Variants in STN1 observed in about 807,000 individuals in gnomAD.
The protein encoded by STN1 is CST complex subunit STN1.
A neutral mutation model predicts 45.5 loss-of-function variants in STN1; 29 were observed. That is an observed-to-expected ratio of 0.64 (90% CI 0.47 to 0.87). The LOEUF (loss-of-function observed/expected upper bound fraction) is 0.87. STN1 is among the 40% of genes least tolerant of loss of function. The pLI, the probability that STN1 is intolerant of heterozygous loss-of-function variation, is 0.00. For synonymous variants in STN1, 148 were observed against 159.0 expected, an observed-to-expected ratio of 0.93 and a Z score of 0.52; for missense variants, 376 against 441.4, an observed-to-expected ratio of 0.85 and a Z score of 1.33.
At chr10:103,889,694 CCTT>C (rs1480214506) in intron 8 of STN1, among the ~76,000 whole-genome samples, 22 of 86,386 alleles carry the variant, frequency 2.5e-4, no homozygotes, top group African/African-American at 7.5e-4. Flanking sequence ...TTTTCTTTTT[CCTT>C]TTTTTTTTTT....
Position 103,897,651 on chromosome 10 carries a change from A to G in STN1, c.650T>C (p.Met217Thr), listed in dbSNP as rs762502692. The change falls in exon 7 of 10, where the codon ATG becomes ACG. Residue 217 changes from methionine (M) to threonine (T), a missense_variant. Coordinates refer to ENST00000224950, the MANE Select transcript of STN1 (RefSeq NM_024928.5). ...LLSEKAKEFLMENRVQSFYQQ... is the reference protein window; with the variant it reads ...LLSEKAKEFLTENRVQSFYQQ... ...GTAAAAGCTCTGCACTCTGTTCTCC[A>G]TGAGGAATTCTTTGGCTTTTTCACT... 3 of 1,613,974 alleles carry G rather than the reference A, an allele frequency of 1.9e-6. No individual in the cohort carries two copies. Among genetic ancestry groups the G allele is most frequent in the African/African-American group, 2.7e-5 (2 of 74,932 alleles).
At chr10:103,912,325 C>T (rs908943447) in intron 2 of STN1, among the ~76,000 whole-genome samples, 21 of 152,310 alleles carry the variant, frequency 1.4e-4, no homozygotes, top group African/African-American at 5.1e-4. Flanking sequence ...TGAGCCACTG[C>T]ACCCAGGCCA....
intron 2 of STN1, among the ~76,000 whole-genome samples, chr10:103,915,295 T>C (rs957098031): frequency 3.3e-5 from 5 of 152,178 alleles, no homozygotes; most frequent in Admixed American, 1.3e-4. Context: ...CCCCACTCCC[T>C]TCCCAAAGGG....
rs151198442 is a variant in STN1, at chr10:103,917,683, C to T, written c.-62-27G>A. 14 of 1,473,232 alleles carry T rather than the reference C, an allele frequency of 9.5e-6. No individual in the cohort carries two copies. In the East Asian group the frequency reaches 1.6e-4, roughly 17 times the overall value. 91.3% of individuals were successfully genotyped at this position (1,473,232 alleles called of 1,614,324 possible). A position where few individuals can be genotyped will look rare whatever the true frequency, so the allele number is the denominator to read the frequency against. On this transcript the variant is annotated intron_variant, in intron 1 of 9. Transcript: ENST00000224950. ...TAGATGGGACACAGAAATGAGGATG[C>T]AATGCGTTTAACGTGGGTCAAAGTG... is the stretch of plus-strand genomic sequence containing the variant.
At chr10:103,906,701 A>C (rs1339362462) in intron 3 of STN1, among the ~76,000 whole-genome samples, 1 of 152,044 alleles carries the variant, frequency 6.6e-6, no homozygotes, top group Non-Finnish European at 1.5e-5. Context: ...TAAATTAATA[A>C]GAAAAAGATC....
intron 2 of STN1, among the ~76,000 whole-genome samples, chr10:103,914,316 T>C (rs1274351537): frequency 6.9e-6 from 1 of 145,802 alleles, no homozygotes; most frequent in Non-Finnish European, 1.5e-5. Flanking sequence ...CTGTATGTTA[T>C]GAGCTATTAT....
At chr10:103,882,941 C>A in intron 9 of STN1, 100 bp from the exon 10 acceptor site, 1 of 1,167,332 alleles carries the variant, frequency 8.6e-7, no homozygotes, top group South Asian at 1.6e-5. Flanking sequence ...ACCAGATCCC[C>A]AGATGATCTT....
At chr10:103,897,759 T>G (rs891181321) in intron 6 of STN1, 40 bp from the exon 7 acceptor site, 13 of 1,596,966 alleles carry the variant, frequency 8.1e-6, no homozygotes, top group Non-Finnish European at 1.0e-5. Flanking sequence ...CAGAAAACCA[T>G]CACCTTTGTT....
At chr10:103,901,376 T>C (rs1843209254) in intron 4 of STN1, among the ~76,000 whole-genome samples, 1 of 152,206 alleles carries the variant, frequency 6.6e-6, no homozygotes, top group Non-Finnish European at 1.5e-5. Context: ...TACAGTTTTA[T>C]AAATTTTTAC....
chr10:103,894,979 T>C (rs1484865531), intron 7 of STN1, among the ~76,000 whole-genome samples: 1 of 152,170 alleles, frequency 6.6e-6, no homozygotes, highest in African/African-American at 2.4e-5. Flanking sequence ...ACCATCACAA[T>C]GATTTTTTCT....
At chr10:103,888,973 G>T in intron 9 of STN1, 99 bp downstream of exon 9, 1 of 816,474 alleles carries the variant, frequency 1.2e-6, no homozygotes, top group Non-Finnish European at 2.1e-6. Context: ...TCACTACTGG[G>T]AAAAGTCCCG....
intron 6 of STN1, among the ~76,000 whole-genome samples, chr10:103,897,981 TA>T (rs929065188): frequency 5.3e-5 from 8 of 151,608 alleles, no homozygotes; most frequent in East Asian, 1.9e-4. Flanking sequence ...TATTTTTATA[TA>T]AAAAAAATGG....
At chr10:103,892,296 C>T (rs746808396) in intron 7 of STN1, 44 bp from the exon 8 acceptor site, 2 of 1,543,006 alleles carry the variant, frequency 1.3e-6, no homozygotes, top group South Asian at 1.3e-5. Context: ...ATAAGTCTCA[C>T]CTTACGGCAC....
chr10:103,900,265 A>C (rs1467794414), intron 4 of STN1, 42 bp from the exon 5 acceptor site: 1 of 1,599,900 alleles, frequency 6.3e-7, no homozygotes, highest in Non-Finnish European at 8.5e-7. Flanking sequence ...AAAAGTTATA[A>C]CACAATCACT....
At chr10:103,917,223 A>AC (rs1384465572) in intron 2 of STN1, among the ~76,000 whole-genome samples, 1 of 150,770 alleles carries the variant, frequency 6.6e-6, no homozygotes, top group Non-Finnish European at 1.5e-5. Context: ...GGAGGTAAAA[A>AC]CCCCAGTACA....
At chr10:103,911,619 C>A (rs147106854) in intron 2 of STN1, among the ~76,000 whole-genome samples, 1 of 152,164 alleles carries the variant, frequency 6.6e-6, no homozygotes, top group Non-Finnish European at 1.5e-5. Context: ...CGGCCTCAAG[C>A]GATCCTCCCA....
intron 3 of STN1, among the ~76,000 whole-genome samples, chr10:103,909,531 CAT>C (rs149676388): frequency 9.0e-5 from 6 of 66,848 alleles, no homozygotes; most frequent in African/African-American, 2.6e-4. Flanking sequence ...TATATATGTA[CAT>C]ATATATGTAC....
chr10:103,914,597 C>A lies in STN1; in HGVS notation c.133+2865G>T, dbSNP rs558146053. On this transcript the variant is annotated intron_variant, in intron 2 of 9. Coordinates refer to ENST00000224950, the MANE Select transcript of STN1 (RefSeq NM_024928.5). ...TTGAACTCTGGGCTCAAGTGATCCT[C>A]CCGCCTTGGCCTCCCAAAGTGCTGG... Among the ~76,000 whole-genome samples, 8 of 151,534 alleles carry A rather than the reference C, an allele frequency of 5.3e-5. No individual in the cohort carries two copies. The South Asian group carries it at 1.5e-3, about 28-fold the overall frequency.
At position 103,917,567 on chromosome 10, in the gene STN1, C is replaced by G. The variant is rs762486579; in HGVS notation, c.28G>C (p.Glu10Gln). The change falls in exon 2 of 10, where the codon GAG (glutamate) becomes CAG (glutamine). Residue 10 changes from glutamate to glutamine, a missense_variant. Coordinates refer to ENST00000224950, the MANE Select transcript of STN1 (RefSeq NM_024928.5). ...CCCCACAAGAGGGAAGGGGTCTCCT[C>G]TTCACACCGGCTGGATCCAGGCTGC... MQPGSSRCE[E>Q]ETPSLLWGLD... 1.7e-5 allele frequency: 27 copies of G among 1,614,188 alleles called. No homozygotes were observed. Among genetic ancestry groups the G allele is most frequent in the Non-Finnish European group, 2.3e-5 (27 of 1,180,010 alleles).
Sources: allele counts gnomAD v4.1 joint callset (sites outside exome capture counted in the v4.1 genomes callset), GRCh38; gene constraint gnomAD v4.1.1; transcripts MANE v1.5; gene names NCBI Gene and HGNC (gene_info 2026-07-23, HGNC 2026-07-21).